DPP10: variants seen among roughly 807,000 people sequenced by gnomAD.
The protein encoded by DPP10 is dipeptidyl peptidase like 10.
DPP10 carries 33 observed loss-of-function variants against 120.9 expected under a neutral mutation model. The observed-to-expected ratio is 0.27, with a 90% CI of 0.21 to 0.37. DPP10 has a LOEUF of 0.37. Ranked by LOEUF, DPP10 falls within the 10% of genes least tolerant of loss-of-function variation. The pLI, the probability that DPP10 is intolerant of heterozygous loss-of-function variation, is 1.00. For missense variants in DPP10, 816 were observed against 942.8 expected, an observed-to-expected ratio of 0.87 and a Z score of 1.76; for synonymous variants, 337 against 326.1, an observed-to-expected ratio of 1.03 and a Z score of -0.36.
intron 3 of DPP10, among the ~76,000 whole-genome samples, chr2:115,378,547 CT>C (rs2066002983): frequency 6.6e-6 from 1 of 151,072 alleles, no homozygotes; most frequent in African/African-American, 2.4e-5. Context: ...CCTTTATTTC[CT>C]TCTCCTGCCT....
At chr2:114,499,522 G>T (rs1257030850) in intron 1 of DPP10, among the ~76,000 whole-genome samples, 1 of 151,536 alleles carries the variant, frequency 6.6e-6, no homozygotes, top group African/African-American at 2.4e-5. Context: ...TGCTGTTTTG[G>T]GACTGCGCCA....
At chr2:115,805,318 G>A (rs377720888) in intron 19 of DPP10, among the ~76,000 whole-genome samples, 351 of 152,212 alleles carry the variant, frequency 2.3e-3, no homozygotes, top group African/African-American at 7.7e-3. Flanking sequence ...GATTTTCCAG[G>A]TGCCATCTGT....
At chr2:115,454,975 A>C (rs2073403962) in intron 3 of DPP10, among the ~76,000 whole-genome samples, 1 of 151,384 alleles carries the variant, frequency 6.6e-6, no homozygotes, top group Non-Finnish European at 1.5e-5. Flanking sequence ...CATCAGAAAT[A>C]AGATACACAA....
At chr2:115,081,128 G>A (rs1168316218) in intron 1 of DPP10, among the ~76,000 whole-genome samples, 1 of 152,126 alleles carries the variant, frequency 6.6e-6, no homozygotes, top group African/African-American at 2.4e-5. Context: ...TATCTTGCAT[G>A]GGATTTGTGA....
chr2:114,970,897 T>C (rs1052358576), intron 1 of DPP10, among the ~76,000 whole-genome samples: 2 of 152,156 alleles, frequency 1.3e-5, no homozygotes, highest in Non-Finnish European at 2.9e-5. Flanking sequence ...CTAACTGGTT[T>C]AATTAAGTTA....
At position 115,488,624 on chromosome 2, in the gene DPP10, G is replaced by A. The variant is rs1280042790; in HGVS notation, c.272-10886G>A. Among the ~76,000 whole-genome samples the A allele has an allele frequency of 2.2e-3, 156 of 70,236 alleles. 1 individual carries two copies. The highest frequency in any genetic ancestry group is 7.8e-3 in the African/African-American group (144 of 18,506). 46.1% of individuals were successfully genotyped at this position (70,236 alleles called of 152,430 possible). A position where few individuals can be genotyped will look rare whatever the true frequency, so the allele number is the denominator to read the frequency against. On this transcript the variant is annotated intron_variant, in intron 3 of 25. Transcript: ENST00000410059. ...AAACCATCATTCTCAGTAAACTATC[G>A]CAAGAACAAAAAACCAAACACCGCA...
At chr2:114,833,350 A>G (rs1687311665) in intron 1 of DPP10, 1 of 151,778 alleles carries the variant, frequency 6.6e-6, no homozygotes, top group African/African-American at 2.4e-5. Context: ...AATCATTTTC[A>G]ATTAAATTAT....
chr2:115,228,540 C>G (rs1461217302), intron 1 of DPP10, among the ~76,000 whole-genome samples: 1 of 152,078 alleles, frequency 6.6e-6, no homozygotes, highest in African/African-American at 2.4e-5. Context: ...TTCCCAGCCT[C>G]TGGTAACCAT....
chr2:115,696,150 G>T (rs1029983442), intron 7 of DPP10, among the ~76,000 whole-genome samples: 2 of 152,060 alleles, frequency 1.3e-5, no homozygotes, highest in African/African-American at 4.8e-5. Flanking sequence ...AGGATTATGG[G>T]AATGTTAGAA....
chr2:115,833,794 T>G (rs1034539387), intron 21 of DPP10, among the ~76,000 whole-genome samples: 2 of 152,188 alleles, frequency 1.3e-5, no homozygotes, highest in Non-Finnish European at 2.9e-5. Context: ...GATAACACAT[T>G]ATGTGTAGGT....
At chr2:115,760,766 G>T (rs907719208) in intron 11 of DPP10, among the ~76,000 whole-genome samples, 1 of 152,114 alleles carries the variant, frequency 6.6e-6, no homozygotes, top group Non-Finnish European at 1.5e-5. Flanking sequence ...AAGTGTTCTG[G>T]ATGGTTTTTA....
chr2:115,207,325 G>A (rs931551791), intron 1 of DPP10, among the ~76,000 whole-genome samples: 3 of 136,316 alleles, frequency 2.2e-5, no homozygotes, highest in Non-Finnish European at 4.6e-5. Flanking sequence ...CCTAGCTTCA[G>A]TTTTACTTTG....
At chr2:115,774,421 T>A (rs903340018) in intron 13 of DPP10, among the ~76,000 whole-genome samples, 2 of 152,156 alleles carry the variant, frequency 1.3e-5, no homozygotes, top group South Asian at 2.1e-4. Context: ...ATCCTGTCCT[T>A]GGCTCATTCA....
At chr2:114,508,028 C>T (rs1453290457) in intron 1 of DPP10, among the ~76,000 whole-genome samples, 1 of 151,968 alleles carries the variant, frequency 6.6e-6, no homozygotes, top group East Asian at 1.9e-4. Flanking sequence ...TCCTTCCTTT[C>T]CTCTTTCTTT....
intron 5 of DPP10, among the ~76,000 whole-genome samples, chr2:115,682,688 T>C (rs1257594485): frequency 6.6e-6 from 1 of 151,844 alleles, no homozygotes; most frequent in African/African-American, 2.4e-5. Context: ...CTACATGCAA[T>C]TGAAAAATGT....
chr2:115,389,546 A>G (rs567266686), intron 3 of DPP10, among the ~76,000 whole-genome samples: 1 of 152,328 alleles, frequency 6.6e-6, no homozygotes, highest in South Asian at 2.1e-4. Flanking sequence ...TAACCGATGT[A>G]ATGAACTAAA....
At chr2:114,494,101 C>A (rs1168658875) in intron 1 of DPP10, among the ~76,000 whole-genome samples, 126 of 77,088 alleles carry the variant, frequency 1.6e-3, no homozygotes, top group East Asian at 9.3e-3. Context: ...AGCAATAAGG[C>A]AAAAAAAAAA....
intron 21 of DPP10, among the ~76,000 whole-genome samples, chr2:115,824,204 G>C (rs933602801): frequency 1.3e-5 from 2 of 152,090 alleles, no homozygotes; most frequent in African/African-American, 4.8e-5. Flanking sequence ...TTTGTCGTGT[G>C]TATAATTGTT....
intron 1 of DPP10, among the ~76,000 whole-genome samples, chr2:114,536,705 A>G (rs2104774957): frequency 6.6e-6 from 1 of 152,194 alleles, no homozygotes; most frequent in East Asian, 1.9e-4. Context: ...ATGCTTGGCC[A>G]ACTTTGGTCT....
Sources: gnomAD v4.1 joint callset for allele counts (sites outside exome capture counted in the v4.1 genomes callset) on GRCh38, gnomAD v4.1.1 for gene constraint, MANE v1.5 for transcripts, NCBI Gene and HGNC (gene_info 2026-07-23, HGNC 2026-07-21) for gene names.